Variants in HMCN1 observed in about 807,000 individuals in gnomAD.
HMCN1 encodes the protein hemicentin-1.
Under a neutral mutation model 625.9 loss-of-function variants are expected in HMCN1, and 321 were observed. The observed-to-expected ratio is 0.51, with a 90% CI of 0.47 to 0.56. The LOEUF (loss-of-function observed/expected upper bound fraction) is 0.56. Among genes scored for constraint, HMCN1 ranks in the 20% least tolerant of loss-of-function variants. The pLI is 0.00. For missense variants in HMCN1, 6,588 were observed against 6,887.3 expected (o/e 0.96, Z 1.54); for synonymous variants, 2,425 against 2,417.6 (o/e 1.00, Z -0.09).
At chr1:185,887,290 T>C (rs943651206) in intron 4 of HMCN1, among the ~76,000 whole-genome samples, 4 of 152,100 alleles carry the variant, frequency 2.6e-5, no homozygotes, top group Non-Finnish European at 4.4e-5. Context: ...AGCTCTTAAA[T>C]GAAATTTATT....
Position 185,735,147 on chromosome 1 carries a change from T to TA in HMCN1, c.268+100_268+101insA. On this transcript the variant is annotated intron_variant, in intron 1 of 106. Coordinates refer to ENST00000271588, the MANE Select transcript of HMCN1 (RefSeq NM_031935.3). ...TTTGTCAGGAAGTTTCAAAACCATT[T>TA]TAAAAAAATGTGCAGCTGAAAATAG... The TA allele has an allele frequency of 2.2e-6, 3 of 1,356,568 alleles. No homozygotes were observed. In the South Asian group the frequency reaches 3.6e-5, roughly 17 times the overall value. The allele number at this position is 1,356,568 out of a possible 1,614,324, so 84.0% of individuals were successfully genotyped here. A position where few individuals can be genotyped will look rare whatever the true frequency, so the allele number is the denominator to read the frequency against.
chr1:186,039,058 A>G, intron 38 of HMCN1, 53 bp downstream of exon 38: 1 of 1,184,074 alleles, frequency 8.4e-7, no homozygotes. Context: ...ATTCAAAATG[A>G]TTAAGTGCTT....
chr1:186,184,966 T>C (rs1653189204), intron 105 of HMCN1, among the ~76,000 whole-genome samples: 1 of 152,116 alleles, frequency 6.6e-6, no homozygotes, highest in African/African-American at 2.4e-5. Flanking sequence ...AGTAAATAAG[T>C]AGAGTGACTG....
chr1:186,024,075 AATTT>A (rs1654898631), intron 36 of HMCN1, among the ~76,000 whole-genome samples: 1 of 152,210 alleles, frequency 6.6e-6, no homozygotes. Context: ...CCAATATATC[AATTT>A]ATTCTTTTCC....
intron 2 of HMCN1, 58 bp downstream of exon 2, chr1:185,846,154 G>A: frequency 7.7e-7 from 1 of 1,300,776 alleles, no homozygotes; most frequent in Non-Finnish European, 1.1e-6. Flanking sequence ...GCCTTTGGCT[G>A]ATTTTCTTTA....
intron 9 of HMCN1, among the ~76,000 whole-genome samples, chr1:185,925,784 G>C (rs537823383): frequency 3.1e-4 from 47 of 152,290 alleles, no homozygotes; most frequent in African/African-American, 1.1e-3. Flanking sequence ...TCCAGAGAAG[G>C]GTATTCAAAC....
chr1:186,016,175 G>A lies in HMCN1; in HGVS notation c.5127G>A (p.Gln1709=), dbSNP rs754818741. ...GTGCCCAAGAAATTGATCGAGGACA[G>A]TACATATGCGTGGCTACCAGTGTGG... ...IMSAQEIDRG[Q]YICVATSVAG... is the part of the protein sequence containing the mutation. Residue 1709 remains glutamine (Q), a synonymous_variant, in exon 32 of 107, where the codon CAG becomes CAA. Transcript: ENST00000271588. The A allele has an allele frequency of 6.2e-7, 1 of 1,613,408 alleles. No homozygotes were observed. Among genetic ancestry groups the A allele is most frequent in the Non-Finnish European group, 8.5e-7 (1 of 1,179,502 alleles).
intron 11 of HMCN1, among the ~76,000 whole-genome samples, chr1:185,946,012 T>C (rs950578891): frequency 5.3e-5 from 8 of 152,182 alleles, no homozygotes; most frequent in Non-Finnish European, 1.2e-4. Context: ...GCTAAAAGCA[T>C]GGTCTGATAC....
chr1:185,851,421 C>T (rs1486225488), intron 2 of HMCN1, among the ~76,000 whole-genome samples: 2 of 152,022 alleles, frequency 1.3e-5, no homozygotes, highest in African/African-American at 4.8e-5. Context: ...TGAGAAAAAG[C>T]AATCTAAAAT....
At chr1:185,813,488 C>T (rs1253869997) in intron 1 of HMCN1, among the ~76,000 whole-genome samples, 1 of 152,014 alleles carries the variant, frequency 6.6e-6, no homozygotes, top group Non-Finnish European at 1.5e-5. Context: ...CTGTAGGAGG[C>T]TTTAGGTCAG....
intron 23 of HMCN1, among the ~76,000 whole-genome samples, chr1:185,993,913 G>T (rs1419883689): frequency 1.3e-5 from 2 of 152,054 alleles, no homozygotes; most frequent in Non-Finnish European, 2.9e-5. Flanking sequence ...ACTCTCAGAT[G>T]AATCACCACA....
intron 1 of HMCN1, among the ~76,000 whole-genome samples, chr1:185,770,592 C>CT (rs1436624198): frequency 1.3e-5 from 2 of 151,966 alleles, no homozygotes; most frequent in Middle Eastern, 3.4e-3. Flanking sequence ...GAAACCTGAT[C>CT]TTTTTTTTGC....
chr1:185,827,315 C>T (rs1031265228), intron 1 of HMCN1, among the ~76,000 whole-genome samples: 1 of 151,504 alleles, frequency 6.6e-6, no homozygotes, highest in Non-Finnish European at 1.5e-5. Context: ...GAACATTGTG[C>T]TATAAATTTA....
rs1652332340 is a variant in HMCN1, at chr1:185,990,304, G to C, written c.3238G>C (p.Gly1080Arg). The C allele has an allele frequency of 3.1e-6, 5 of 1,614,024 alleles. No individual in the cohort carries two copies. The highest frequency in any genetic ancestry group is 4.2e-6 in the Non-Finnish European group (5 of 1,179,914). ...VRPRVFGDQR[G>R]LSQDKPVEIS... is the part of the protein sequence containing the mutation. ...GCCCAGAGTGTTTGGAGATCAACGA[G>C]GACTGTCCCAGGATAAGCCTGTTGA... The change falls in exon 22 of 107, where the codon GGA becomes CGA. Residue 1080 changes from glycine (G) to arginine (R), a missense_variant. Gly to Arg is a moderately radical substitution (Grantham distance 125, BLOSUM62 -2). This residue lies in a region of HMCN1 where 4,628 missense variants were observed against 4,853.1 expected (regional missense o/e 0.95). Coordinates refer to ENST00000271588, the MANE Select transcript of HMCN1 (RefSeq NM_031935.3).
intron 11 of HMCN1, among the ~76,000 whole-genome samples, chr1:185,947,798 C>A (rs1668421885): frequency 6.6e-6 from 1 of 152,170 alleles, no homozygotes; most frequent in South Asian, 2.1e-4. Context: ...GTATTCATTG[C>A]CATTTACGCT....
intron 11 of HMCN1, among the ~76,000 whole-genome samples, chr1:185,939,132 A>T (rs1442552356): frequency 6.6e-6 from 1 of 152,180 alleles, no homozygotes; most frequent in South Asian, 2.1e-4. Flanking sequence ...GGTATGAAGA[A>T]CTGGTGAACT....
Position 186,132,378 on chromosome 1 carries a change from G to A in HMCN1, c.13281G>A (p.Val4427=). 6.2e-7 allele frequency: 1 copy of A among 1,612,578 alleles called. No individual in the cohort carries two copies. The highest frequency in any genetic ancestry group is 8.5e-7 in the Non-Finnish European group (1 of 1,179,236). The change falls in exon 86 of 107, where the codon GTG becomes GTA. Residue 4427 remains valine (V), a synonymous_variant. Transcript: ENST00000271588. ...YTCVATNEAG[V]VERSMSLTLQ... is the part of the protein sequence containing the mutation. Reference sequence around the variant, plus strand: ...GTGTAGCTACCAATGAAGCTGGGGTGGTGGAGCGCAGCATGAGTCTGACTC... The same window carrying A: ...GTGTAGCTACCAATGAAGCTGGGGTAGTGGAGCGCAGCATGAGTCTGACTC...
chr1:185,836,379 C>T (rs573265306), intron 1 of HMCN1, among the ~76,000 whole-genome samples: 59 of 152,102 alleles, frequency 3.9e-4, no homozygotes, highest in Non-Finnish European at 7.6e-4. Context: ...TGTCCTTATG[C>T]ACATGTGTCT....
chr1:185,897,463 T>C (rs1318029957), intron 4 of HMCN1, among the ~76,000 whole-genome samples: 1 of 152,172 alleles, frequency 6.6e-6, no homozygotes, highest in Non-Finnish European at 1.5e-5. Context: ...TACTTGCAAG[T>C]TCTCCCTACC....
Sources: gnomAD v4.1 joint callset for allele counts (sites outside exome capture counted in the v4.1 genomes callset) on GRCh38, gnomAD v4.1.1 for gene constraint, gnomAD v4.1.1 regional missense constraint, MANE v1.5 for transcripts, NCBI Gene and HGNC (gene_info 2026-07-23, HGNC 2026-07-21) for gene names.